Variants in EPHA3 observed in about 807,000 individuals in gnomAD.
EPHA3 encodes ephrin type-A receptor 3.
A neutral mutation model predicts 107.1 loss-of-function variants in EPHA3; 42 were observed. That is an observed-to-expected ratio of 0.39 (90% confidence interval 0.31 to 0.51). EPHA3 has a LOEUF of 0.51. Ranked by LOEUF, EPHA3 falls within the 20% of genes least tolerant of loss-of-function variation. The probability of loss-of-function intolerance (pLI) is 0.78; values close to 1 mark genes in which losing one functional copy is unlikely to be tolerated. For missense variants in EPHA3, 1,183 were observed against 1,211.2 expected (o/e 0.98, Z 0.35); for synonymous variants, 461 against 424.8 (o/e 1.09, Z -1.05).
intron 2 of EPHA3, among the ~76,000 whole-genome samples, chr3:89,196,637 G>C (rs1452766210): frequency 6.8e-6 from 1 of 148,060 alleles, no homozygotes; most frequent in African/African-American, 2.7e-5. Flanking sequence ...CTCGGAATGT[G>C]CTCATCCTCC....
intron 10 of EPHA3, among the ~76,000 whole-genome samples, chr3:89,416,412 T>C (rs1380161736): frequency 6.6e-6 from 1 of 151,462 alleles, no homozygotes; most frequent in Non-Finnish European, 1.5e-5. Context: ...CAAATTGCAT[T>C]TGCCCAGTCT....
At chr3:89,356,447 C>T (rs1270484333) in intron 5 of EPHA3, among the ~76,000 whole-genome samples, 1 of 151,190 alleles carries the variant, frequency 6.6e-6, no homozygotes, top group Non-Finnish European at 1.5e-5. Context: ...TACAGTCCCA[C>T]CAACAGTGTA....
At chr3:89,261,074 A>C (rs558859385) in intron 3 of EPHA3, among the ~76,000 whole-genome samples, 1 of 152,314 alleles carries the variant, frequency 6.6e-6, no homozygotes, top group African/African-American at 2.4e-5. Context: ...GATTTTCAGT[A>C]AGGTTTGCTA....
Position 89,251,796 on chromosome 3 carries a change from GA to G in EPHA3, c.814+41285del, listed in dbSNP as rs1012874289. 2.7e-5 allele frequency among the ~76,000 whole-genome samples: 4 copies of G among 150,360 alleles called. No homozygotes were observed. In the East Asian group the frequency reaches 5.8e-4, roughly 22 times the overall value. On this transcript the variant is annotated intron_variant, in intron 3 of 16. Transcript: ENST00000336596. ...GATGTGTTCCAAGAAATTGTGTGTA[GA>G]AAAAAAAATCAGATTGATTAGCATC... is the stretch of plus-strand genomic sequence containing the variant.
chr3:89,400,285 G>GCTCCTGCAAT lies in EPHA3; in HGVS notation c.1594+809_1594+810insTGCAATCTCC, dbSNP rs1488940379. The GCTCCTGCAAT allele has an allele frequency of 3.9e-5, 7 of 177,620 alleles. No homozygotes were observed. The Admixed American group carries it at 4.7e-4, about 12-fold the overall frequency. 11.0% of individuals were successfully genotyped at this position (177,620 alleles called of 1,614,324 possible). The stretch of plus-strand genomic sequence containing the variant: ...CTCGGCTCACTGCAAGCTCCTGCAA[G>GCTCCTGCAAT]CTCCGCCTCCTGGCTTCACGCCATT... On this transcript the variant is annotated intron_variant, in intron 7 of 16. Transcript: ENST00000336596.
chr3:89,325,782 T>C (rs1707151085), intron 3 of EPHA3, among the ~76,000 whole-genome samples: 2 of 152,086 alleles, frequency 1.3e-5, no homozygotes, highest in Admixed American at 1.3e-4. Flanking sequence ...ATTATTCAAC[T>C]GGAAATTCAC....
intron 13 of EPHA3, among the ~76,000 whole-genome samples, chr3:89,447,961 C>A (rs543745036): frequency 6.6e-6 from 1 of 152,118 alleles, no homozygotes; most frequent in Admixed American, 6.6e-5. Context: ...TTGACGAACA[C>A]GGCTTAAGAT....
rs1312614468 is a variant in EPHA3, at chr3:89,447,435, C to A, written c.2347-1790C>A. On this transcript the variant is annotated intron_variant, in intron 13 of 16. Coordinates refer to ENST00000336596, the MANE Select transcript of EPHA3 (RefSeq NM_005233.6). Reference sequence around the variant, plus strand: ...CTCTACCTTTTCAAAGAGCTTCTGGCAGTACTCTCCCTGAACAGCTCATTT... The same window carrying A: ...CTCTACCTTTTCAAAGAGCTTCTGGAAGTACTCTCCCTGAACAGCTCATTT... Among the ~76,000 whole-genome samples the A allele has an allele frequency of 3.9e-5, 6 of 152,224 alleles. No homozygotes were observed. In the South Asian group the frequency reaches 1.0e-3, roughly 26 times the overall value.
intron 14 of EPHA3, among the ~76,000 whole-genome samples, chr3:89,449,856 A>T (rs1245077407): frequency 6.6e-6 from 1 of 152,174 alleles, no homozygotes; most frequent in Non-Finnish European, 1.5e-5. Context: ...TCCATAGAGA[A>T]CTATATAACC....
At chr3:89,129,838 T>G (rs1704168549) in intron 2 of EPHA3, among the ~76,000 whole-genome samples, 2 of 152,162 alleles carry the variant, frequency 1.3e-5, no homozygotes, top group African/African-American at 4.8e-5. Context: ...GAAACGTTTT[T>G]CATAAAAAAA....
intron 5 of EPHA3, among the ~76,000 whole-genome samples, chr3:89,358,044 G>A (rs1183984393): frequency 1.3e-5 from 2 of 151,214 alleles, no homozygotes; most frequent in African/African-American, 2.4e-5. Context: ...TCATGTGCGT[G>A]TGTATATATG....
intron 2 of EPHA3, among the ~76,000 whole-genome samples, chr3:89,190,052 C>T (rs111693834): frequency 0.013 from 1,997 of 152,206 alleles, 40 homozygotes; most frequent in African/African-American, 0.042. Flanking sequence ...ATTAAACATC[C>T]TCTATCTGTA....
rs2107582595 is a variant in EPHA3 at position 89,480,460 on chromosome 3, A to C, written c.*958A>C. The C allele has an allele frequency of 4.3e-6, 1 of 233,386 alleles. No homozygotes were observed. Among genetic ancestry groups the C allele is most frequent in the African/African-American group, 2.2e-5 (1 of 45,468 alleles). The allele number at this position is 233,386 out of a possible 1,614,324, so 14.5% of individuals were successfully genotyped here. ...GTATGCAATGGATTTTCAACCAGAT[A>C]ACATACCTTTCCTGCTCTGGTGCTT... On this transcript the variant is annotated 3_prime_UTR_variant, in exon 17 of 17. Transcript: ENST00000336596.
intron 3 of EPHA3, among the ~76,000 whole-genome samples, chr3:89,269,679 G>A (rs561856041): frequency 1.6e-4 from 24 of 148,678 alleles, no homozygotes; most frequent in Admixed American, 3.4e-4. Context: ...ATGTATACAT[G>A]TGCCATGCTG....
At chr3:89,128,829 G>A (rs964097933) in intron 2 of EPHA3, among the ~76,000 whole-genome samples, 2 of 151,876 alleles carry the variant, frequency 1.3e-5, no homozygotes, top group Admixed American at 1.3e-4. Context: ...TTTAAAGAAG[G>A]TATAATGGTA....
chr3:89,472,410 C>G (rs973048583), intron 15 of EPHA3, 54 bp from the exon 16 acceptor site: 2 of 1,569,808 alleles, frequency 1.3e-6, no homozygotes, highest in Non-Finnish European at 1.7e-6. Context: ...TTTTGACACA[C>G]AGCAACTCTG....
chr3:89,346,321 G>C (rs1707652258), intron 5 of EPHA3, among the ~76,000 whole-genome samples: 1 of 134,558 alleles, frequency 7.4e-6, no homozygotes, highest in African/African-American at 2.9e-5. Context: ...TAACTGGTGT[G>C]AGATGGTATC....
At chr3:89,290,858 C>T (rs1706192922) in intron 3 of EPHA3, among the ~76,000 whole-genome samples, 3 of 152,082 alleles carry the variant, frequency 2.0e-5, no homozygotes. Flanking sequence ...ATTATTAAAT[C>T]CACAAGCCAA....
In EPHA3 at chr3:89,229,572, T is replaced by C. The variant is rs531930647; in HGVS notation, c.814+19052T>C. On this transcript the variant is annotated intron_variant, in intron 3 of 16. Coordinates refer to ENST00000336596, the MANE Select transcript of EPHA3 (RefSeq NM_005233.6). Reference sequence around the variant, plus strand: ...ATATTTAATTAGGTTTCATGAGTTATTTACTAAAAATAATTATAATAAGAA... The same window carrying C: ...ATATTTAATTAGGTTTCATGAGTTACTTACTAAAAATAATTATAATAAGAA... Among the ~76,000 whole-genome samples, 19 of 151,294 alleles carry C rather than the reference T, an allele frequency of 1.3e-4. No individual in the cohort carries two copies. In the East Asian group the frequency reaches 3.7e-3, roughly 29 times the overall value.
Sources: gnomAD v4.1 joint callset for allele counts (sites outside exome capture counted in the v4.1 genomes callset) on GRCh38, gnomAD v4.1.1 for gene constraint, MANE v1.5 for transcripts, NCBI Gene and HGNC (gene_info 2026-07-23, HGNC 2026-07-21) for gene names.